The following COPS4 variants were observed in gnomAD, a reference collection of about 807,000 sequenced individuals.
COPS4 encodes the protein COP9 signalosome complex subunit 4.
In COPS4, 8 loss-of-function variants were observed where a neutral mutation model predicts 55.1. The observed-to-expected ratio is 0.15, with a 90% CI of 0.09 to 0.26. COPS4 has a LOEUF of 0.26. Ranked by LOEUF, COPS4 falls within the 10% of genes least tolerant of loss-of-function variation. The pLI, the probability that COPS4 is intolerant of heterozygous loss-of-function variation, is 1.00. For missense variants in COPS4, 248 were observed against 484.0 expected (o/e 0.51, Z 4.58); for synonymous variants, 185 against 165.7 (o/e 1.12, Z -0.90).
At chr4:83,068,410 T>G in intron 8 of COPS4, 28 bp from the exon 9 acceptor site, 1 of 1,473,764 alleles carries the variant, frequency 6.8e-7, no homozygotes. Flanking sequence ...ATGATAAAGT[T>G]TCTGAGAGTT....
chr4:83,054,232 C>CT (rs1730961160), intron 4 of COPS4, among the ~76,000 whole-genome samples: 1 of 152,118 alleles, frequency 6.6e-6, no homozygotes, highest in African/African-American at 2.4e-5. Context: ...GTCCCAGCTA[C>CT]TTGGGAGGCT....
At chr4:83,050,328 T>C (rs971073160) in intron 4 of COPS4, among the ~76,000 whole-genome samples, 9 of 152,026 alleles carry the variant, frequency 5.9e-5, no homozygotes, top group Non-Finnish European at 7.4e-5. Flanking sequence ...GACGGAGTTT[T>C]GCTCTGTTGC....
chr4:83,058,096 C>A (rs918758375), intron 6 of COPS4, among the ~76,000 whole-genome samples: 4 of 151,088 alleles, frequency 2.6e-5, no homozygotes, highest in Non-Finnish European at 4.4e-5. Context: ...AACCTTCAAG[C>A]CTTAGTTTTA....
intron 6 of COPS4, among the ~76,000 whole-genome samples, chr4:83,058,392 G>C (rs545432670): frequency 3.1e-4 from 47 of 151,868 alleles, no homozygotes; most frequent in Non-Finnish European, 5.9e-4. Flanking sequence ...TAATTTTTTT[G>C]TATTTTTCTA....
chr4:83,067,595 C>G (rs868006321), intron 8 of COPS4, among the ~76,000 whole-genome samples: 42 of 151,006 alleles, frequency 2.8e-4, no homozygotes, highest in Admixed American at 1.5e-3. Flanking sequence ...AACTCCTGGT[C>G]CCAAGTGATC....
rs1731029653 is a variant in COPS4, at chr4:83,056,928, A to C, written c.413A>C (p.Gln138Pro). The change falls in exon 5 of 10, where the codon CAG becomes CCG. Residue 138 changes from glutamine (Q) to proline (P), a missense_variant and splice_region_variant. Physicochemically the swap from Gln to Pro is moderately conservative, Grantham distance 76 (BLOSUM62 -1). Around this residue, in one of 4 missense-constraint regions of COPS4, gnomAD observed 155 missense variants for 326.6 expected, o/e 0.47. Transcript: ENST00000264389. ...VGIPLETGQKQYNVDYKLETY... is the reference protein window; with the variant it reads ...VGIPLETGQKPYNVDYKLETY... Reference sequence around the variant, plus strand: ...TGTGTTTTTCTGTTACATCCTAGACAGTACAATGTAGATTATAAACTGGAG... The same window carrying C: ...TGTGTTTTTCTGTTACATCCTAGACCGTACAATGTAGATTATAAACTGGAG... 6.2e-7 allele frequency: 1 copy of C among 1,607,236 alleles called. No homozygotes were observed. Among genetic ancestry groups the C allele is most frequent in the African/African-American group, 1.3e-5 (1 of 74,682 alleles).
chr4:83,069,202 C>T (rs1485295387), intron 9 of COPS4, among the ~76,000 whole-genome samples: 2 of 152,162 alleles, frequency 1.3e-5, no homozygotes, highest in African/African-American at 2.4e-5. Flanking sequence ...TTTTCATTGT[C>T]TAATACCTTC....
chr4:83,049,285 A>G lies in COPS4; in HGVS notation c.274A>G (p.Ile92Val). The G allele has an allele frequency of 4.3e-6, 7 of 1,609,624 alleles. No individual in the cohort carries two copies. The highest frequency in any genetic ancestry group is 5.9e-6 in the Non-Finnish European group (7 of 1,178,730). Residue 92 changes from isoleucine to valine, a missense_variant, in exon 3 of 10, where the codon ATC becomes GTC. Around this residue, in one of 4 missense-constraint regions of COPS4, gnomAD observed 155 missense variants for 326.6 expected, o/e 0.47. Transcript: ENST00000264389. ...AATCTATCACTTCACCTTGGAAAAG[A>G]TCCAGCCTAGAGTCATTTCATTTGA... Reference protein sequence around the residue: ...KEIYHFTLEKIQPRVISFEEQ... With the variant: ...KEIYHFTLEKVQPRVISFEEQ...
At chr4:83,057,719 G>A (rs981147502) in intron 6 of COPS4, among the ~76,000 whole-genome samples, 5 of 151,888 alleles carry the variant, frequency 3.3e-5, no homozygotes, top group African/African-American at 9.7e-5. Context: ...TCAGGAGATC[G>A]AGACCATCCT....
chr4:83,068,898 A>AGGCAGAAGTTGCAGTG (rs1415527008), intron 9 of COPS4, among the ~76,000 whole-genome samples: 1 of 151,610 alleles, frequency 6.6e-6, no homozygotes, highest in African/African-American at 2.4e-5. Flanking sequence ...TAAACCTAGG[A>AGGCAGAAGTTGCAGTG]GGCAGAAGTT....
chr4:83,049,772 C>T (rs1018905795), intron 3 of COPS4, 109 bp from the exon 4 acceptor site: 35 of 667,774 alleles, frequency 5.2e-5, no homozygotes, highest in Admixed American at 1.1e-4. Flanking sequence ...TTACTGTTTA[C>T]GTGGCAGCTT....
chr4:83,050,902 C>T (rs1250131044), intron 4 of COPS4, among the ~76,000 whole-genome samples: 1 of 152,036 alleles, frequency 6.6e-6, no homozygotes, highest in African/African-American at 2.4e-5. Flanking sequence ...TAAATAATTA[C>T]TCTCACTACT....
chr4:83,057,162 T>C, intron 5 of COPS4, 83 bp downstream of exon 5: 1 of 1,500,400 alleles, frequency 6.7e-7, no homozygotes, highest in Non-Finnish European at 9.1e-7. Context: ...TGATAGATGC[T>C]CTTAAATATT....
intron 4 of COPS4, among the ~76,000 whole-genome samples, chr4:83,051,098 C>CAAA (rs536123309): frequency 7.8e-5 from 8 of 102,932 alleles, no homozygotes; most frequent in African/African-American, 2.0e-4. Flanking sequence ...CCATCTCCAC[C>CAAA]AAAAAAAAAA....
At chr4:83,065,252 T>G (rs1019794070) in intron 7 of COPS4, 3 of 428,668 alleles carry the variant, frequency 7.0e-6, no homozygotes, top group Non-Finnish European at 1.2e-5. Context: ...GTTGGCTGTG[T>G]AAGTCTGAAT....
Position 83,050,831 on chromosome 4 carries a change from G to A in COPS4, c.410+847G>A, listed in dbSNP as rs897186070. Among the ~76,000 whole-genome samples the A allele has an allele frequency of 3.3e-5, 5 of 152,128 alleles. 1 individual carries two copies. Among genetic ancestry groups the A allele is most frequent in the South Asian group, 4.1e-4 (2 of 4,836 alleles). ...TAAGGAATTTGGCTTTTCACTAAGTGAAATGAGGGGGAGCCATTGGAGAAT... is the reference window on the plus strand; with the variant it reads ...TAAGGAATTTGGCTTTTCACTAAGTAAAATGAGGGGGAGCCATTGGAGAAT... On this transcript the variant is annotated intron_variant, in intron 4 of 9. Coordinates refer to ENST00000264389, the MANE Select transcript of COPS4 (RefSeq NM_016129.3).
chr4:83,046,171 A>T (rs947697091), intron 2 of COPS4, among the ~76,000 whole-genome samples: 1 of 152,090 alleles, frequency 6.6e-6, no homozygotes, highest in African/African-American at 2.4e-5. Context: ...CAATGTTTTA[A>T]TGGGGTTGTT....
At chr4:83,064,974 A>T in intron 7 of COPS4, 1 of 412,754 alleles carries the variant, frequency 2.4e-6, no homozygotes, top group Non-Finnish European at 4.5e-6. Context: ...TGCAGCCTCC[A>T]CCTCTTGGGG....
intron 9 of COPS4, 21 bp downstream of exon 9, chr4:83,068,543 C>G: frequency 2.7e-6 from 4 of 1,458,136 alleles, no homozygotes; most frequent in Non-Finnish European, 3.8e-6. Flanking sequence ...TTGTGTATTT[C>G]TGTCATAATG....
Sources: allele counts gnomAD v4.1 joint callset (sites outside exome capture counted in the v4.1 genomes callset), GRCh38; gene constraint gnomAD v4.1.1; regional missense constraint gnomAD v4.1.1; transcripts MANE v1.5; gene names NCBI Gene and HGNC (gene_info 2026-07-23, HGNC 2026-07-21).